Variants in LGI1 observed in about 807,000 individuals in gnomAD.
LGI1 encodes the protein leucine-rich glioma-inactivated protein 1.
LGI1 carries 11 observed loss-of-function variants against 57.7 expected under a neutral mutation model. The ratio of observed to expected loss-of-function variants is 0.19; its 90% CI spans 0.12 to 0.32. The LOEUF (loss-of-function observed/expected upper bound fraction) is 0.32, where lower values mean the gene tolerates loss of function less well. Among genes scored for constraint, LGI1 ranks in the 10% least tolerant of loss-of-function variants. The probability of loss-of-function intolerance (pLI) is 1.00; values close to 1 mark genes in which losing one functional copy is unlikely to be tolerated. For missense variants in LGI1, 422 were observed against 661.9 expected (o/e 0.64, Z 3.98); for synonymous variants, 222 against 241.9 (o/e 0.92, Z 0.76).
intron 4 of LGI1, among the ~76,000 whole-genome samples, chr10:93,787,184 T>C (rs12570765): frequency 0.97 from 147,944 of 152,190 alleles, 72,054 homozygotes; most frequent in East Asian, 1. Flanking sequence ...GAAGCTTCAT[T>C]CTCTCTCCTC....
chr10:93,794,993 G>A (rs573306375), intron 7 of LGI1, among the ~76,000 whole-genome samples: 1 of 152,172 alleles, frequency 6.6e-6, no homozygotes, highest in African/African-American at 2.4e-5. Context: ...CTTTCTTTTA[G>A]AATCCTCCTC....
At chr10:93,773,066 C>T (rs1045099629) in intron 2 of LGI1, among the ~76,000 whole-genome samples, 1 of 148,714 alleles carries the variant, frequency 6.7e-6, no homozygotes, top group African/African-American at 2.5e-5. Flanking sequence ...TGTGACAGAG[C>T]GAGACTTTGT....
intron 4 of LGI1, among the ~76,000 whole-genome samples, chr10:93,780,738 G>C (rs2059840113): frequency 6.6e-6 from 1 of 152,176 alleles, no homozygotes; most frequent in African/African-American, 2.4e-5. Flanking sequence ...CACTGTGCCA[G>C]TTACCGCAGG....
chr10:93,773,510 T>C (rs1362169536), intron 2 of LGI1, among the ~76,000 whole-genome samples: 1 of 152,026 alleles, frequency 6.6e-6, no homozygotes, highest in Non-Finnish European at 1.5e-5. Flanking sequence ...CAGGCAGGAG[T>C]CTATGACATG....
chr10:93,794,925 G>A (rs2059967378), intron 7 of LGI1: 1 of 152,102 alleles, frequency 6.6e-6, no homozygotes, highest in Admixed American at 6.5e-5. Context: ...GCTTGCTTGA[G>A]GCTGGGGTTG....
intron 2 of LGI1, among the ~76,000 whole-genome samples, chr10:93,761,943 G>A (rs772400357): frequency 1.3e-5 from 2 of 152,198 alleles, no homozygotes; most frequent in African/African-American, 4.8e-5. Flanking sequence ...AGGGAAATGT[G>A]TTTTCACACA....
chr10:93,768,005 T>G (rs971710377), intron 2 of LGI1: 3 of 152,230 alleles, frequency 2.0e-5, no homozygotes, highest in Non-Finnish European at 2.9e-5. Context: ...GCATTGTCAA[T>G]GAGACCAGGA....
At chr10:93,792,699 G>A (rs749933689) in intron 5 of LGI1, 44 bp from the exon 6 acceptor site, 1 of 1,595,792 alleles carries the variant, frequency 6.3e-7, no homozygotes. Context: ...TCCTGCGTGG[G>A]TAGGGCCCTT....
At chr10:93,767,506 A>G (rs1447610777) in intron 2 of LGI1, 1 of 152,208 alleles carries the variant, frequency 6.6e-6, no homozygotes, top group Non-Finnish European at 1.5e-5. Flanking sequence ...TCTATGGAAC[A>G]TACAGTACTT....
At chr10:93,762,361 A>C (rs1356007790) in intron 2 of LGI1, 1 of 152,242 alleles carries the variant, frequency 6.6e-6, no homozygotes, top group African/African-American at 2.4e-5. Context: ...AACTAAAAAC[A>C]AATGGAAAAG....
At chr10:93,781,393 A>T (rs940223519) in intron 4 of LGI1, among the ~76,000 whole-genome samples, 2 of 151,830 alleles carry the variant, frequency 1.3e-5, no homozygotes, top group Admixed American at 1.3e-4. Context: ...AAATAAATAT[A>T]AAAAAGTTAT....
intron 4 of LGI1, among the ~76,000 whole-genome samples, chr10:93,781,290 C>T (rs1254237215): frequency 1.3e-5 from 2 of 151,878 alleles, no homozygotes; most frequent in Admixed American, 6.6e-5. Context: ...ACCCGGGAGG[C>T]GGAGCTTGCA....
intron 2 of LGI1, among the ~76,000 whole-genome samples, chr10:93,773,981 C>A (rs1389115486): frequency 1.3e-5 from 2 of 152,120 alleles, no homozygotes; most frequent in Non-Finnish European, 2.9e-5. Flanking sequence ...GTTTCATAAA[C>A]CCCTCCATGA....
chr10:93,763,788 C>G (rs1350974829), intron 2 of LGI1: 2 of 152,096 alleles, frequency 1.3e-5, no homozygotes, highest in Non-Finnish European at 2.9e-5. Context: ...ACCCACCGCT[C>G]GAATCTCTTG....
chr10:93,768,904 A>C (rs941444890), intron 2 of LGI1: 1 of 152,198 alleles, frequency 6.6e-6, no homozygotes, highest in African/African-American at 2.4e-5. Context: ...GGTTATTCCA[A>C]TCAATCCAGG....
At position 93,792,815 on chromosome 10, in the gene LGI1, T is replaced by C. The variant is rs760772769; in HGVS notation, c.576T>C (p.Asn192=). 6.2e-7 allele frequency: 1 copy of C among 1,614,088 alleles called. No individual in the cohort carries two copies. Among genetic ancestry groups the C allele is most frequent in the Non-Finnish European group, 8.5e-7 (1 of 1,179,996 alleles). ...KWLVEWLGHT[N]ATVEDIYCEG... ...TAGTGGAATGGCTTGGCCACACCAA[T>C]GCAACTGTTGAAGACATCTACTGCG... The change falls in exon 6 of 8, where the codon AAT becomes AAC. Residue 192 remains asparagine, a synonymous_variant. Coordinates refer to ENST00000371418, the MANE Select transcript of LGI1 (RefSeq NM_005097.4).
intron 2 of LGI1, chr10:93,766,765 C>T (rs1003513331): frequency 6.6e-6 from 1 of 152,178 alleles, no homozygotes; most frequent in Non-Finnish European, 1.5e-5. Context: ...CCTCGGCCTC[C>T]CGAAGTGCTG....
intron 2 of LGI1, chr10:93,767,227 TG>T (rs1421262128): frequency 6.6e-6 from 1 of 151,972 alleles, no homozygotes; most frequent in Non-Finnish European, 1.5e-5. Flanking sequence ...CTGATCTCCT[TG>T]CTTAAACAAA....
intron 4 of LGI1, among the ~76,000 whole-genome samples, chr10:93,787,245 G>A (rs980648535): frequency 3.9e-5 from 6 of 152,144 alleles, no homozygotes; most frequent in African/African-American, 1.4e-4. Flanking sequence ...TGGTAGCGGA[G>A]CATCAGAGGG....
Sources: gnomAD v4.1 joint callset for allele counts (sites outside exome capture counted in the v4.1 genomes callset) on GRCh38, gnomAD v4.1.1 for gene constraint, MANE v1.5 for transcripts, NCBI Gene and HGNC (gene_info 2026-07-23, HGNC 2026-07-21) for gene names.